Variants in PCDHGA3 observed in about 807,000 individuals in gnomAD.
PCDHGA3 encodes protocadherin gamma subfamily A, 3.
Under a neutral mutation model 58.5 loss-of-function variants are expected in PCDHGA3, and 40 were observed. The ratio of observed to expected loss-of-function variants is 0.68; its 90% confidence interval spans 0.53 to 0.89. The LOEUF is 0.89. Ranked by LOEUF, PCDHGA3 falls within the 40% of genes least tolerant of loss-of-function variation. The probability of loss-of-function intolerance (pLI) is 0.00; values close to 1 mark genes in which losing one functional copy is unlikely to be tolerated. For missense variants in PCDHGA3, 1,223 were observed against 1,195.9 expected (o/e 1.02, Z -0.33); for synonymous variants, 530 against 525.7 (o/e 1.01, Z -0.11).
intron 1 of PCDHGA3, among the ~76,000 whole-genome samples, chr5:141,468,064 C>T (rs1026571562): frequency 3.3e-5 from 5 of 152,076 alleles, no homozygotes; most frequent in Non-Finnish European, 7.4e-5. Flanking sequence ...GTGGCTCACA[C>T]CTGTAATCCC....
chr5:141,415,163 C>A, intron 1 of PCDHGA3: 1 of 1,613,856 alleles, frequency 6.2e-7, no homozygotes. Flanking sequence ...GCCACTGTCA[C>A]GCTCACCGTG....
At chr5:141,398,023 G>C in intron 1 of PCDHGA3, 1 of 1,438,566 alleles carries the variant, frequency 7.0e-7, no homozygotes, top group Non-Finnish European at 9.3e-7. Context: ...TCCTAAACTG[G>C]AACTGGAACT....
At chr5:141,364,915 G>T (rs1763616813) in intron 1 of PCDHGA3, 1 of 1,613,946 alleles carries the variant, frequency 6.2e-7, no homozygotes, top group East Asian at 2.2e-5. Flanking sequence ...CGGAGCTGGT[G>T]TTGGAACAGC....
At chr5:141,385,591 T>C in intron 1 of PCDHGA3, 3 of 1,245,038 alleles carry the variant, frequency 2.4e-6, no homozygotes, top group Non-Finnish European at 3.0e-6. Context: ...TGTTCCAACC[T>C]ACTTTCTTAA....
At chr5:141,498,803 C>T (rs916966107) in intron 2 of PCDHGA3, among the ~76,000 whole-genome samples, 5 of 151,982 alleles carry the variant, frequency 3.3e-5, no homozygotes, top group African/African-American at 1.2e-4. Flanking sequence ...TGTGGTGGTG[C>T]ACACCTGTAG....
At chr5:141,420,808 G>A (rs539942896) in intron 1 of PCDHGA3, among the ~76,000 whole-genome samples, 2 of 152,288 alleles carry the variant, frequency 1.3e-5, no homozygotes, top group Admixed American at 6.5e-5. Flanking sequence ...AATTAAGCAA[G>A]CCCTTTTAAT....
chr5:141,384,828 G>T (rs746957314), intron 1 of PCDHGA3: 2 of 1,613,488 alleles, frequency 1.2e-6, no homozygotes, highest in African/African-American at 1.3e-5. Flanking sequence ...AGAGCCTCGT[G>T]GTGGCCGTCC....
At chr5:141,358,919 A>G (rs1761058945) in intron 1 of PCDHGA3, among the ~76,000 whole-genome samples, 1 of 152,222 alleles carries the variant, frequency 6.6e-6, no homozygotes, top group Non-Finnish European at 1.5e-5. Flanking sequence ...TTTTGTGTGT[A>G]GGGGATATAC....
At chr5:141,417,129 T>C (rs887933624) in intron 1 of PCDHGA3, 2 of 152,218 alleles carry the variant, frequency 1.3e-5, no homozygotes, top group South Asian at 2.1e-4. Context: ...TGGATGATGG[T>C]AATGACTAGG....
chr5:141,414,942 C>T, intron 1 of PCDHGA3: 3 of 1,614,126 alleles, frequency 1.9e-6, no homozygotes, highest in Non-Finnish European at 1.7e-6. Context: ...CAGAGCCCGG[C>T]TACCTGGTGA....
At chr5:141,418,000 G>T in intron 1 of PCDHGA3, 1 of 1,613,902 alleles carries the variant, frequency 6.2e-7, no homozygotes, top group Non-Finnish European at 8.5e-7. Context: ...GCTCGGTGGT[G>T]GGGAACCTCG....
intron 1 of PCDHGA3, chr5:141,351,724 G>A (rs749407581): frequency 6.2e-7 from 1 of 1,613,806 alleles, no homozygotes; most frequent in East Asian, 2.2e-5. Flanking sequence ...ACTCTATTCT[G>A]GCCAGTGACC....
Position 141,344,795 on chromosome 5 carries a change from C to G in PCDHGA3, c.762C>G (p.Asn254Lys), listed in dbSNP as rs200798114. ...QPEYRVSVWE[N>K]VPVGTRLLTV... ...AGTACCGTGTGAGTGTTTGGGAGAA[C>G]GTGCCTGTGGGTACCCGGCTGCTCA... Residue 254 changes from asparagine (N) to lysine (K), a missense_variant, in exon 1 of 4, where the codon AAC becomes AAG. Asn to Lys is a moderately conservative substitution (Grantham distance 94, BLOSUM62 0). This residue lies in a region of PCDHGA3 where 791 missense variants were observed against 708.5 expected (regional missense o/e 1.12). Coordinates refer to ENST00000253812, the MANE Select transcript of PCDHGA3 (RefSeq NM_018916.4). The G allele has an allele frequency of 6.2e-7, 1 of 1,613,938 alleles. No homozygotes were observed. The highest frequency in any genetic ancestry group is 2.2e-5 in the East Asian group (1 of 44,882).
intron 1 of PCDHGA3, chr5:141,408,586 C>G: frequency 6.2e-7 from 1 of 1,613,976 alleles, no homozygotes; most frequent in Non-Finnish European, 8.5e-7. Context: ...ATGTTAATGA[C>G]CACGCCCCTC....
chr5:141,389,887 A>T (rs1473090410), intron 1 of PCDHGA3: 2 of 1,613,940 alleles, frequency 1.2e-6, no homozygotes, highest in South Asian at 1.1e-5. Flanking sequence ...AGCTTGCAGG[A>T]GGTGCTGCCG....
rs2099631185 is a variant in PCDHGA3, at chr5:141,486,568, T to C, written c.2425-8239T>C. Reference sequence around the variant, plus strand: ...AGAGGTCACATGAGGTGTTTGTTCCTGAGAACAATCGCCCAGGGGACCTGC... The same window carrying C: ...AGAGGTCACATGAGGTGTTTGTTCCCGAGAACAATCGCCCAGGGGACCTGC... On this transcript the variant is annotated intron_variant, in intron 1 of 3. Coordinates refer to ENST00000253812, the MANE Select transcript of PCDHGA3 (RefSeq NM_018916.4). The surrounding 1 kb of genome is among the most constrained non-coding windows in gnomAD (Gnocchi z 5.0). 1.9e-6 allele frequency: 3 copies of C among 1,613,862 alleles called. No homozygotes were observed. The South Asian group carries it at 3.3e-5, about 18-fold the overall frequency.
At position 141,476,387 on chromosome 5, in the gene PCDHGA3, C is replaced by A. The variant is rs147660262; in HGVS notation, c.2425-18420C>A. ...GACCGGAGAGATGTTTGTGAACGAC[C>A]GTCTGGATCGAGAGGAGCTGTGTGG... is the stretch of plus-strand genomic sequence containing the variant. On this transcript the variant is annotated intron_variant, in intron 1 of 3. Transcript: ENST00000253812. The surrounding 1 kb of genome is among the most constrained non-coding windows in gnomAD (Gnocchi z 7.6). 1.2e-6 allele frequency: 2 copies of A among 1,614,076 alleles called. No individual in the cohort carries two copies. Among genetic ancestry groups the A allele is most frequent in the Non-Finnish European group, 8.5e-7 (1 of 1,180,024 alleles).
Position 141,489,830 on chromosome 5 carries a change from A to C in PCDHGA3, c.2425-4977A>C. On this transcript the variant is annotated intron_variant, in intron 1 of 3. Transcript: ENST00000253812. The surrounding 1 kb of genome is among the most constrained non-coding windows in gnomAD (Gnocchi z 4.5). ...AAGCCATTCCCAGAGCTGGTGCTAG[A>C]GCAGCAGCTGGATCGTGAAGCCCAG... 1 of 1,614,200 alleles carries C rather than the reference A, an allele frequency of 6.2e-7. No homozygotes were observed. Among genetic ancestry groups the C allele is most frequent in the Non-Finnish European group, 8.5e-7 (1 of 1,180,010 alleles).
At chr5:141,464,024 G>A (rs2099074308) in intron 1 of PCDHGA3, among the ~76,000 whole-genome samples, 1 of 151,996 alleles carries the variant, frequency 6.6e-6, no homozygotes, top group East Asian at 1.9e-4. Context: ...CCACACTTTG[G>A]GAGGCCAAGG....
Sources: allele counts gnomAD v4.1 joint callset (sites outside exome capture counted in the v4.1 genomes callset), GRCh38; gene constraint gnomAD v4.1.1; regional missense constraint gnomAD v4.1.1; non-coding constraint Gnocchi (gnomAD v3.1); transcripts MANE v1.5; gene names NCBI Gene and HGNC (gene_info 2026-07-23, HGNC 2026-07-21).